Variants in VCP observed in about 807,000 individuals in gnomAD.
VCP encodes valosin containing protein.
VCP carries 6 observed loss-of-function variants against 85.7 expected under a neutral mutation model. That is an observed-to-expected ratio of 0.07 (90% CI 0.04 to 0.14). The LOEUF is 0.14. Ranked by LOEUF, VCP falls within the 10% of genes least tolerant of loss-of-function variation. VCP has a pLI of 1.00. For synonymous variants in VCP, 384 were observed against 367.1 expected (o/e 1.05, Z -0.53); for missense variants, 353 against 1,043.4 (o/e 0.34, Z 9.12).
intron 1 of VCP, 127 bp downstream of exon 1, chr9:35,072,210 C>T: frequency 3.5e-6 from 5 of 1,446,468 alleles, no homozygotes; most frequent in Non-Finnish European, 4.6e-6. Context: ...CGCCCCCTAG[C>T]TTCCCTTCCC....
chr9:35,058,401 CT>C (rs1441816243), intron 15 of VCP, among the ~76,000 whole-genome samples: 1 of 152,148 alleles, frequency 6.6e-6, no homozygotes, highest in Non-Finnish European at 1.5e-5. Flanking sequence ...ATGAATTTGC[CT>C]TTTCATTTTG....
chr9:35,060,574 GAAACCTAACT>G, intron 12 of VCP, 49 bp from the exon 13 acceptor site: 1 of 1,590,016 alleles, frequency 6.3e-7, no homozygotes, highest in Non-Finnish European at 8.6e-7. Flanking sequence ...CATTTTGAAA[GAAACCTAACT>G]AAACAGAAGC....
Position 35,056,075 on chromosome 9 carries a change from CAAA to C in VCP, c.*1039_*1041del, listed in dbSNP as rs1479390252. ...ATTCAATACTAAAATTTTATATTAA[CAAA>C]AAGTTTTTTTTTTTTAATCAAAGTA... On this transcript the variant is annotated 3_prime_UTR_variant, in exon 17 of 17. Coordinates refer to ENST00000358901, the MANE Select transcript of VCP (RefSeq NM_007126.5). 2 of 147,908 alleles carry C rather than the reference CAAA, an allele frequency of 1.4e-5. No homozygotes were observed. 9.2% of individuals were successfully genotyped at this position (147,908 alleles called of 1,614,324 possible).
chr9:35,062,976 A>G lies in VCP; in HGVS notation c.811+2T>C, dbSNP rs539851936. The G allele has an allele frequency of 2.6e-5, 42 of 1,613,958 alleles. 1 individual carries two copies. The Admixed American group carries it at 4.8e-4, about 19-fold the overall frequency. On this transcript the variant is annotated splice_donor_variant, in intron 7 of 16. Transcript: ENST00000358901. LOFTEE classifies it high-confidence loss of function. Reference sequence around the variant, plus strand: ...AGACATAAGATGAACCAAATATCTCACCATTGATCAAGAAGAAGAAGGCTC... The same window carrying G: ...AGACATAAGATGAACCAAATATCTCGCCATTGATCAAGAAGAAGAAGGCTC...
At chr9:35,072,316 G>A (rs1197947470) in intron 1 of VCP, 21 bp downstream of exon 1, 1 of 1,483,918 alleles carries the variant, frequency 6.7e-7, no homozygotes, top group Non-Finnish European at 8.9e-7. Context: ...CGCAGCAAGC[G>A]AACGGCGCGC....
Position 35,072,598 on chromosome 9 carries a change from C to A in VCP, c.-245G>T, listed in dbSNP as rs1563983685. On this transcript the variant is annotated 5_prime_UTR_variant, in exon 1 of 17. Coordinates refer to ENST00000358901, the MANE Select transcript of VCP (RefSeq NM_007126.5). Reference sequence around the variant, plus strand: ...GCGGCAGCGGCAGCGACGACTCAAACGACGGTCGCAGACGCTTCGCTGAGA... The same window carrying A: ...GCGGCAGCGGCAGCGACGACTCAAAAGACGGTCGCAGACGCTTCGCTGAGA... The A allele has an allele frequency of 2.1e-6, 1 of 487,278 alleles. No homozygotes were observed. Among genetic ancestry groups the A allele is most frequent in the East Asian group, 3.6e-5 (1 of 27,470 alleles). The allele number at this position is 487,278 out of a possible 1,614,324, so 30.2% of individuals were successfully genotyped here. A position where few individuals can be genotyped will look rare whatever the true frequency, so the allele number is the denominator to read the frequency against.
chr9:35,064,381 A>C (rs957565257), intron 5 of VCP, 96 bp from the exon 6 acceptor site: 1 of 1,526,488 alleles, frequency 6.6e-7, no homozygotes, highest in East Asian at 2.3e-5. Context: ...GTGTGCAAAA[A>C]CCTACCGTAT....
In VCP at chr9:35,068,352, C is replaced by T; in HGVS notation, c.28G>A (p.Asp10Asn). The T allele has an allele frequency of 6.2e-7, 1 of 1,614,138 alleles. No homozygotes were observed. The highest frequency in any genetic ancestry group is 8.5e-7 in the Non-Finnish European group (1 of 1,180,022). The change falls in exon 2 of 17, where the codon GAT becomes AAT. Residue 10 changes from aspartate to asparagine, a missense_variant. By Grantham distance (23) the Asp-to-Asn change is conservative. This residue lies in a region of VCP where 69 missense variants were observed against 132.9 expected (regional missense o/e 0.52). Transcript: ENST00000358901. ...TTGAGAATGGCTGTTGATAGGTCAT[C>T]ACCTTTTGAACTAGAAGGAGGAAAT... MASGADSKG[D>N]DLSTAILKQK... is the part of the protein sequence containing the mutation.
chr9:35,058,708 A>G (rs1052740458), intron 15 of VCP, among the ~76,000 whole-genome samples: 2 of 152,230 alleles, frequency 1.3e-5, no homozygotes, highest in Admixed American at 1.3e-4. Flanking sequence ...CAGAAGTTGC[A>G]GTGAGCCAAG....
In VCP at chr9:35,059,311, T is replaced by G; in HGVS notation, c.2005-92A>C. 1 of 1,580,842 alleles carries G rather than the reference T, an allele frequency of 6.3e-7. No individual in the cohort carries two copies. Among genetic ancestry groups the G allele is most frequent in the Non-Finnish European group, 8.6e-7 (1 of 1,161,736 alleles). ...TACCCGAGCACTCCCAACTACAGTT[T>G]GCCCCTTCTTTGGCCACCCCATTTT... is the stretch of plus-strand genomic sequence containing the variant. On this transcript the variant is annotated intron_variant, in intron 14 of 16. Coordinates refer to ENST00000358901, the MANE Select transcript of VCP (RefSeq NM_007126.5). This position sits in a 1 kb window ranked among gnomAD's most constrained non-coding sequence, Gnocchi z 4.9.
intron 7 of VCP, 23 bp from the exon 8 acceptor site, chr9:35,062,373 C>A (rs1421958393): frequency 6.2e-7 from 1 of 1,614,026 alleles, no homozygotes; most frequent in Non-Finnish European, 8.5e-7. Flanking sequence ...AGAATGGAGA[C>A]AATAACAAAA....
chr9:35,060,545 G>C lies in VCP; in HGVS notation c.1483-20C>G. 6.2e-7 allele frequency: 1 copy of C among 1,612,024 alleles called. No homozygotes were observed. The highest frequency in any genetic ancestry group is 8.5e-7 in the Non-Finnish European group (1 of 1,178,690). On this transcript the variant is annotated intron_variant, in intron 12 of 16. Coordinates refer to ENST00000358901, the MANE Select transcript of VCP (RefSeq NM_007126.5). ...AGGATACTAGGAGGAAAAGGAAAGAGGGTTCAAGGCTACCTCCACATTTTG... is the reference window on the plus strand; with the variant it reads ...AGGATACTAGGAGGAAAAGGAAAGACGGTTCAAGGCTACCTCCACATTTTG...
intron 1 of VCP, among the ~76,000 whole-genome samples, chr9:35,069,970 T>C (rs973918561): frequency 6.6e-4 from 101 of 152,206 alleles, no homozygotes; most frequent in African/African-American, 2.3e-3. Context: ...AGTATTCCCA[T>C]TGGAAATATC....
chr9:35,064,448 G>A (rs1828788668), intron 5 of VCP, among the ~76,000 whole-genome samples, 163 bp from the exon 6 acceptor site: 1 of 152,196 alleles, frequency 6.6e-6, no homozygotes, highest in African/African-American at 2.4e-5. Context: ...CACTTTGGGA[G>A]GCAGAGGTGG....
intron 16 of VCP, 65 bp downstream of exon 16, chr9:35,057,311 C>G (rs894465581): frequency 6.2e-7 from 1 of 1,613,902 alleles, no homozygotes. Flanking sequence ...CTTAGGACTC[C>G]CATCCCTTTT....
Position 35,057,898 on chromosome 9 carries a change from A to G in VCP, c.2161-368T>C, listed in dbSNP as rs566090084. ...TGGAAATGGTATATAGAAAGAGTGAATTTTATTGTATTTATATCATACCTT... is the reference window on the plus strand; with the variant it reads ...TGGAAATGGTATATAGAAAGAGTGAGTTTTATTGTATTTATATCATACCTT... On this transcript the variant is annotated intron_variant, in intron 15 of 16. Coordinates refer to ENST00000358901, the MANE Select transcript of VCP (RefSeq NM_007126.5). 385 of 355,604 alleles carry G rather than the reference A, an allele frequency of 1.1e-3. 9 individuals are homozygous for G. The highest frequency in any genetic ancestry group is 8.8e-3 in the South Asian group (378 of 42,754). The allele number at this position is 355,604 out of a possible 1,614,324, so 22.0% of individuals were successfully genotyped here.
At chr9:35,071,291 G>GTT (rs1828936575) in intron 1 of VCP, among the ~76,000 whole-genome samples, 2 of 94,998 alleles carry the variant, frequency 2.1e-5, no homozygotes, top group African/African-American at 8.5e-5. Flanking sequence ...TGGGCTGGCT[G>GTT]TGTTTTTTTT....
In VCP at chr9:35,056,432, T is replaced by C. The variant is rs899334124; in HGVS notation, c.*685A>G. The stretch of plus-strand genomic sequence containing the variant: ...GAGGCAACAGGAGACATCATACCGA[T>C]GTTGATCAGGAGAGGAAGAAGGTGC... On this transcript the variant is annotated 3_prime_UTR_variant, in exon 17 of 17. Transcript: ENST00000358901. The C allele has an allele frequency of 6.4e-6, 1 of 155,974 alleles. No individual in the cohort carries two copies. Among genetic ancestry groups the C allele is most frequent in the East Asian group, 1.9e-4 (1 of 5,252 alleles). 9.7% of individuals were successfully genotyped at this position (155,974 alleles called of 1,614,324 possible).
intron 1 of VCP, among the ~76,000 whole-genome samples, chr9:35,070,732 G>C (rs1257657113): frequency 2.0e-5 from 3 of 152,132 alleles, no homozygotes; most frequent in African/African-American, 4.8e-5. Flanking sequence ...CACTGTGCCC[G>C]GTCAATAGTT....
Sources: allele counts gnomAD v4.1 joint callset (sites outside exome capture counted in the v4.1 genomes callset), GRCh38; gene constraint gnomAD v4.1.1; regional missense constraint gnomAD v4.1.1; non-coding constraint Gnocchi (gnomAD v3.1); transcripts MANE v1.5; gene names NCBI Gene and HGNC (gene_info 2026-07-23, HGNC 2026-07-21).